KLK12: variants seen among roughly 807,000 people sequenced by gnomAD.
KLK12 encodes the protein kallikrein-12.
KLK12 carries 23 observed loss-of-function variants against 20.0 expected under a neutral mutation model. The observed-to-expected ratio is 1.15, with a 90% confidence interval of 0.83 to 1.63. KLK12 has a LOEUF of 1.63. Ranked by LOEUF, KLK12 falls within the 40% of genes most tolerant of loss-of-function variation. The pLI is 0.00. For missense variants in KLK12, 351 were observed against 338.6 expected, an observed-to-expected ratio of 1.04 and a Z score of -0.29; for synonymous variants, 147 against 141.9, an observed-to-expected ratio of 1.04 and a Z score of -0.25.
Position 51,031,008 on chromosome 19 carries a change from T to A in KLK12, c.458-87A>T, listed in dbSNP as rs888159158. The A allele has an allele frequency of 4.6e-5, 69 of 1,499,138 alleles. No homozygotes were observed. In the South Asian group the frequency reaches 6.7e-4, roughly 14 times the overall value. 92.9% of individuals were successfully genotyped at this position (1,499,138 alleles called of 1,614,324 possible). A position where few individuals can be genotyped will look rare whatever the true frequency, so the allele number is the denominator to read the frequency against. On this transcript the variant is annotated intron_variant, in intron 4 of 5. Transcript: ENST00000684732. ...CTCTTCCCTGGATGTGGCCCATCCA[T>A]GTCAATACCCCTGCCCCTCACCGAC...
chr19:51,032,032 C>T lies in KLK12; in HGVS notation c.301G>A (p.Ala101Thr). 2 of 1,608,562 alleles carry T rather than the reference C, an allele frequency of 1.2e-6. No homozygotes were observed. The highest frequency in any genetic ancestry group is 1.7e-6 in the Non-Finnish European group (2 of 1,178,810). Residue 101 changes from alanine to threonine, a missense_variant, in exon 4 of 6, where the codon GCC (alanine) becomes ACC (threonine). By Grantham distance (58) the Ala-to-Thr change is moderately conservative. Transcript: ENST00000684732. ...FSVTHPGYLG[A>T]STSHEHDLRL... The stretch of plus-strand genomic sequence containing the variant: ...AGGTCGTGCTCGTGGCTCGTCGAGG[C>T]TCCCAGGTAGCCGGGATGGGTCACA...
chr19:51,033,146 G>T (rs2091576755), intron 3 of KLK12, among the ~76,000 whole-genome samples: 1 of 151,286 alleles, frequency 6.6e-6, no homozygotes, highest in Admixed American at 6.6e-5. Flanking sequence ...AGCCCAGGTG[G>T]TTGAGGCTGT....
At chr19:51,031,036 G>A in intron 4 of KLK12, 115 bp from the exon 5 acceptor site, 1 of 1,214,046 alleles carries the variant, frequency 8.2e-7, no homozygotes, top group Non-Finnish European at 1.2e-6. Context: ...TCACCGACCT[G>A]TACTACAATC....
At chr19:51,031,190 G>A (rs996044428) in intron 4 of KLK12, among the ~76,000 whole-genome samples, 2 of 152,058 alleles carry the variant, frequency 1.3e-5, no homozygotes, top group Non-Finnish European at 2.9e-5. Flanking sequence ...CAGAGACAAC[G>A]AATCCAGACC....
chr19:51,034,731 T>G, intron 1 of KLK12, 75 bp downstream of exon 1: 2 of 1,545,102 alleles, frequency 1.3e-6, no homozygotes, highest in Non-Finnish European at 1.7e-6. Flanking sequence ...ACCAAGGGGA[T>G]GACCTGCTTG....
intron 1 of KLK12, 30 bp from the exon 2 acceptor site, chr19:51,034,670 C>A: frequency 6.3e-7 from 1 of 1,590,996 alleles, no homozygotes. Context: ...TCAGAGGTCA[C>A]CCTTTCCCTG....
At chr19:51,033,908 T>A in intron 3 of KLK12, 72 bp downstream of exon 3, 7 of 1,433,836 alleles carry the variant, frequency 4.9e-6, no homozygotes, top group Non-Finnish European at 6.8e-6. Context: ...GGCACCACCC[T>A]CCCTTGTGAT....
intron 3 of KLK12, among the ~76,000 whole-genome samples, chr19:51,032,897 T>C (rs2091573605): frequency 6.6e-6 from 1 of 152,106 alleles, no homozygotes. Context: ...TCTGTTTCTT[T>C]GCATCTGATC....
Sources: allele counts gnomAD v4.1 joint callset (sites outside exome capture counted in the v4.1 genomes callset), GRCh38; gene constraint gnomAD v4.1.1; transcripts MANE v1.5; gene names NCBI Gene and HGNC (gene_info 2026-07-23, HGNC 2026-07-21).